ZNF184: variants seen among roughly 807,000 people sequenced by gnomAD.
ZNF184 encodes the protein zinc finger protein 184.
Under a neutral mutation model 54.4 loss-of-function variants are expected in ZNF184, and 16 were observed. The ratio of observed to expected loss-of-function variants is 0.29; its 90% CI spans 0.20 to 0.45. The LOEUF (loss-of-function observed/expected upper bound fraction) is 0.45, where lower values mean the gene tolerates loss of function less well. Ranked by LOEUF, ZNF184 falls within the 20% of genes least tolerant of loss-of-function variation. ZNF184 has a pLI of 1.00. For synonymous variants in ZNF184, 254 were observed against 295.3 expected (o/e 0.86, Z 1.43); for missense variants, 681 against 888.2 (o/e 0.77, Z 2.97).
chr6:27,449,961 G>C (rs964821994), downstream of ZNF184, among the ~76,000 whole-genome samples: 3 of 152,136 alleles, frequency 2.0e-5, no homozygotes, highest in African/African-American at 7.2e-5. Context: ...GTAAATATGT[G>C]ACTTAGTTCA....
intron 3 of ZNF184, among the ~76,000 whole-genome samples, chr6:27,460,761 T>C (rs1762974696): frequency 6.6e-6 from 1 of 151,780 alleles, no homozygotes; most frequent in Non-Finnish European, 1.5e-5. Context: ...CTGAATAGAG[T>C]TGAGAAGTTA....
intron 5 of ZNF184, among the ~76,000 whole-genome samples, chr6:27,454,854 C>T (rs1190177762): frequency 6.6e-6 from 1 of 152,198 alleles, no homozygotes; most frequent in Non-Finnish European, 1.5e-5. Flanking sequence ...CTATACTATT[C>T]TGATGTCCCA....
At chr6:27,422,661 A>G in the ZNF184 span, among the ~76,000 whole-genome samples, 15 of 139,684 alleles carry the variant, frequency 1.1e-4, no homozygotes, top group Non-Finnish European at 1.7e-5. Context: ...CTCAAGCTGG[A>G]AAAGCTCTAG....
chr6:27,407,762 A>G, the ZNF184 span: 8 of 773,046 alleles, frequency 1.0e-5, no homozygotes, highest in South Asian at 9.5e-5. Flanking sequence ...AGATGTCACT[A>G]CAAGATTTGC....
chr6:27,448,700 C>T (rs936856279), downstream of ZNF184, among the ~76,000 whole-genome samples: 4 of 152,146 alleles, frequency 2.6e-5, no homozygotes, highest in South Asian at 6.2e-4. Flanking sequence ...AGATATCTAC[C>T]TAGTTCATTC....
At chr6:27,405,711 T>TG in the ZNF184 span, 5 of 152,398 alleles carry the variant, frequency 3.3e-5, no homozygotes, top group South Asian at 1.0e-3. Flanking sequence ...CATCCCACTA[T>TG]GGGGTAAGCC....
the ZNF184 span, among the ~76,000 whole-genome samples, chr6:27,418,320 T>A: frequency 6.6e-6 from 1 of 152,180 alleles, no homozygotes; most frequent in Non-Finnish European, 1.5e-5. Flanking sequence ...GGACTCCACA[T>A]CTCTCCAGCC....
chr6:27,440,510 T>C, the ZNF184 span, among the ~76,000 whole-genome samples: 1 of 152,320 alleles, frequency 6.6e-6, no homozygotes, highest in South Asian at 2.1e-4. Context: ...TAATTGAGGG[T>C]ACACTGGCAA....
the ZNF184 span, among the ~76,000 whole-genome samples, chr6:27,428,051 T>C: frequency 1.3e-5 from 2 of 152,230 alleles, no homozygotes; most frequent in Non-Finnish European, 2.9e-5. This position sits in a 1 kb window ranked among gnomAD's most constrained non-coding sequence, Gnocchi z 4.1. Context: ...CTCCTGTCAC[T>C]GACTTAATTC....
the ZNF184 span, among the ~76,000 whole-genome samples, chr6:27,411,924 G>A: frequency 6.6e-6 from 1 of 152,200 alleles, no homozygotes. Context: ...AATCCCAGTA[G>A]GTGAGGAGGG....
the ZNF184 span, chr6:27,407,858 T>C: frequency 1.3e-6 from 1 of 792,070 alleles, no homozygotes; most frequent in Non-Finnish European, 2.3e-6. Context: ...CTCATATCTA[T>C]AAGGAGAAAG....
At chr6:27,442,713 A>C in the ZNF184 span, among the ~76,000 whole-genome samples, 1 of 83,882 alleles carries the variant, frequency 1.2e-5, no homozygotes, top group African/African-American at 4.6e-5. Context: ...GAGAGAGAGA[A>C]AGAAGGACGG....
chr6:27,421,445 T>C, the ZNF184 span, among the ~76,000 whole-genome samples: 2 of 152,140 alleles, frequency 1.3e-5, no homozygotes, highest in African/African-American at 2.4e-5. Context: ...AAAAAAGAGA[T>C]GAATTAATTA....
the ZNF184 span, among the ~76,000 whole-genome samples, chr6:27,425,930 T>C: frequency 0.59 from 90,455 of 152,054 alleles, 27,256 homozygotes; most frequent in Middle Eastern, 0.75. Context: ...AGTTCTTATT[T>C]TCCTGAGTCC....
the ZNF184 span, among the ~76,000 whole-genome samples, chr6:27,443,534 C>T: frequency 6.6e-6 from 1 of 152,126 alleles, no homozygotes; most frequent in Non-Finnish European, 1.5e-5. Flanking sequence ...TCCTCTCTTC[C>T]AATGATCTTG....
the ZNF184 span, chr6:27,407,590 C>A: frequency 1.9e-6 from 1 of 519,396 alleles, no homozygotes; most frequent in Non-Finnish European, 3.5e-6. Flanking sequence ...GGCTCAGAGC[C>A]AAGTATGAAC....
chr6:27,465,169 A>AAAAAAAAG (rs1554131274), intron 3 of ZNF184, among the ~76,000 whole-genome samples: 63 of 148,554 alleles, frequency 4.2e-4, no homozygotes, highest in African/African-American at 1.5e-3. Context: ...TATTTAAAAA[A>AAAAAAAAG]AAAAGAAAAG....
chr6:27,423,636 C>CAA, the ZNF184 span, among the ~76,000 whole-genome samples: 1 of 96,178 alleles, frequency 1.0e-5, no homozygotes, highest in South Asian at 4.6e-4. Context: ...GATGAAAAGC[C>CAA]AAAAAAACAA....
At chr6:27,410,036 G>T in the ZNF184 span, among the ~76,000 whole-genome samples, 1 of 152,156 alleles carries the variant, frequency 6.6e-6, no homozygotes, top group East Asian at 1.9e-4. Flanking sequence ...ACAGTAACGT[G>T]ATGTACAGGT....
Sources: allele counts gnomAD v4.1 joint callset (sites outside exome capture counted in the v4.1 genomes callset), GRCh38; gene constraint gnomAD v4.1.1; non-coding constraint Gnocchi (gnomAD v3.1); transcripts MANE v1.5; gene names NCBI Gene and HGNC (gene_info 2026-07-23, HGNC 2026-07-21).